Variants in ITGBL1 observed in about 807,000 individuals in gnomAD.
The protein encoded by ITGBL1 is integrin beta-like protein 1.
In ITGBL1, 51 loss-of-function variants were observed where a neutral mutation model predicts 68.5. The observed-to-expected ratio is 0.74, with a 90% CI of 0.59 to 0.94. The LOEUF is 0.94. ITGBL1 is among the 40% of genes least tolerant of loss of function. The pLI is 0.00. For synonymous variants in ITGBL1, 209 were observed against 227.3 expected (o/e 0.92, Z 0.72); for missense variants, 649 against 647.4 (o/e 1.00, Z -0.03).
intron 2 of ITGBL1, among the ~76,000 whole-genome samples, chr13:101,493,360 T>C (rs974226897): frequency 2.0e-5 from 3 of 152,132 alleles, no homozygotes; most frequent in Admixed American, 6.5e-5. Context: ...AAAAAAAAGC[T>C]ATTTCGATTA....
intron 7 of ITGBL1, among the ~76,000 whole-genome samples, chr13:101,688,283 A>G (rs1051256190): frequency 6.6e-6 from 1 of 152,140 alleles, no homozygotes; most frequent in African/African-American, 2.4e-5. Context: ...TCAGTATTCT[A>G]CTAGGTATAG....
chr13:101,645,369 G>A (rs923404238), intron 7 of ITGBL1, among the ~76,000 whole-genome samples: 12 of 152,156 alleles, frequency 7.9e-5, no homozygotes, highest in African/African-American at 2.7e-4. Flanking sequence ...AGCCCACTCA[G>A]TGGCTTCTGT....
At chr13:101,661,009 A>T (rs892267265) in intron 7 of ITGBL1, among the ~76,000 whole-genome samples, 3 of 152,202 alleles carry the variant, frequency 2.0e-5, no homozygotes, top group African/African-American at 4.8e-5. Flanking sequence ...TTGACATTCA[A>T]TTAAAGAAAT....
At chr13:101,663,086 C>A (rs2033128073) in intron 7 of ITGBL1, among the ~76,000 whole-genome samples, 1 of 152,026 alleles carries the variant, frequency 6.6e-6, no homozygotes, top group African/African-American at 2.4e-5. Context: ...GAACCACAAG[C>A]AGCTTTGTTT....
chr13:101,637,844 A>G (rs1244692474), intron 7 of ITGBL1, among the ~76,000 whole-genome samples: 2 of 152,186 alleles, frequency 1.3e-5, no homozygotes, highest in Non-Finnish European at 2.9e-5. Flanking sequence ...CTTAGAGGTC[A>G]TTTAGCAGCT....
chr13:101,578,689 T>C (rs1364839261), intron 4 of ITGBL1, among the ~76,000 whole-genome samples: 1 of 152,200 alleles, frequency 6.6e-6, no homozygotes, highest in Non-Finnish European at 1.5e-5. Context: ...AAAGGGAATT[T>C]GATTGCGTGG....
intron 3 of ITGBL1, 143 bp downstream of exon 3, chr13:101,567,988 C>A: frequency 1.5e-6 from 1 of 674,372 alleles, no homozygotes; most frequent in Non-Finnish European, 2.4e-6. Flanking sequence ...TCAGATAAAT[C>A]AATAGAAAAA....
chr13:101,618,286 G>A (rs1269545674), intron 7 of ITGBL1, among the ~76,000 whole-genome samples: 1 of 152,076 alleles, frequency 6.6e-6, no homozygotes, highest in Non-Finnish European at 1.5e-5. Context: ...AAAAAGCTAT[G>A]GTGTTGCTGG....
chr13:101,600,571 G>C (rs1448845621), intron 7 of ITGBL1, among the ~76,000 whole-genome samples: 2 of 151,930 alleles, frequency 1.3e-5, no homozygotes, highest in African/African-American at 4.8e-5. Flanking sequence ...ATTGGCTGTG[G>C]GTTTGTCATA....
At chr13:101,647,902 T>G (rs1249175666) in intron 7 of ITGBL1, among the ~76,000 whole-genome samples, 1 of 152,126 alleles carries the variant, frequency 6.6e-6, no homozygotes, top group Admixed American at 6.5e-5. Context: ...ACAAATTGAT[T>G]AGAACTGGTG....
At chr13:101,525,900 TTC>T (rs754668965) in intron 2 of ITGBL1, among the ~76,000 whole-genome samples, 1 of 152,066 alleles carries the variant, frequency 6.6e-6, no homozygotes, top group Admixed American at 6.6e-5. Flanking sequence ...CAAGACTCTC[TTC>T]TCTCTATTTT....
At chr13:101,559,611 A>G (rs138190319) in intron 2 of ITGBL1, among the ~76,000 whole-genome samples, 6 of 152,318 alleles carry the variant, frequency 3.9e-5, no homozygotes, top group Admixed American at 2.6e-4. Context: ...TCCTACAGCA[A>G]AAGAGTCCTT....
In ITGBL1 at chr13:101,716,434, G is replaced by A. The variant is rs900886366; in HGVS notation, c.*780G>A. 1 of 152,126 alleles carries A rather than the reference G, an allele frequency of 6.6e-6. No individual in the cohort carries two copies. The highest frequency in any genetic ancestry group is 2.4e-5 in the African/African-American group (1 of 41,434). 9.4% of individuals were successfully genotyped at this position (152,126 alleles called of 1,614,324 possible). ...TTAACATTTTAAATAAATAGTGACAGAAGTTGTTTATACTCTGTGTCAGTA... is the reference window on the plus strand; with the variant it reads ...TTAACATTTTAAATAAATAGTGACAAAAGTTGTTTATACTCTGTGTCAGTA... On this transcript the variant is annotated 3_prime_UTR_variant, in exon 11 of 11. Coordinates refer to ENST00000376180, the MANE Select transcript of ITGBL1 (RefSeq NM_004791.3).
chr13:101,682,728 T>G (rs2033672877), intron 7 of ITGBL1, among the ~76,000 whole-genome samples: 1 of 152,096 alleles, frequency 6.6e-6, no homozygotes. Flanking sequence ...TCTATATTGT[T>G]TGTACAAATA....
chr13:101,476,808 A>G (rs1434189099), intron 2 of ITGBL1, among the ~76,000 whole-genome samples: 2 of 152,158 alleles, frequency 1.3e-5, no homozygotes, highest in South Asian at 2.1e-4. Context: ...GCAAGTGTAA[A>G]TATATATACA....
At chr13:101,465,053 T>C (rs1402880733) in intron 2 of ITGBL1, among the ~76,000 whole-genome samples, 2 of 152,228 alleles carry the variant, frequency 1.3e-5, no homozygotes, top group Non-Finnish European at 2.9e-5. Flanking sequence ...CATAATTGGA[T>C]TCTTTTTTCA....
rs2049402966 is a variant in ITGBL1, at chr13:101,527,636, A to G, written c.317-40063A>G. Among the ~76,000 whole-genome samples the G allele has an allele frequency of 2.0e-5, 3 of 152,012 alleles. No individual in the cohort carries two copies. In the South Asian group the frequency reaches 6.2e-4, roughly 31 times the overall value. On this transcript the variant is annotated intron_variant, in intron 2 of 10. Coordinates refer to ENST00000376180, the MANE Select transcript of ITGBL1 (RefSeq NM_004791.3). ...GAAACAGTTTTAATAATCCTCAACA[A>G]TGTCTGGGAGTTCTGGTTACTCTGT...
intron 2 of ITGBL1, among the ~76,000 whole-genome samples, chr13:101,512,686 ATTC>A (rs2049134406): frequency 6.6e-6 from 1 of 152,108 alleles, no homozygotes; most frequent in Admixed American, 6.6e-5. Flanking sequence ...AAATGTAGTT[ATTC>A]TTTGACTGGA....
At chr13:101,539,161 C>A (rs1248300363) in intron 2 of ITGBL1, among the ~76,000 whole-genome samples, 1 of 146,766 alleles carries the variant, frequency 6.8e-6, no homozygotes, top group East Asian at 2.0e-4. Flanking sequence ...ATTAACTCGT[C>A]ATTTAGCATT....
Sources: allele counts gnomAD v4.1 joint callset (sites outside exome capture counted in the v4.1 genomes callset), GRCh38; gene constraint gnomAD v4.1.1; transcripts MANE v1.5; gene names NCBI Gene and HGNC (gene_info 2026-07-23, HGNC 2026-07-21).